Variants in GAN observed in about 807,000 individuals in gnomAD.
The protein encoded by GAN is gigaxonin, also known as epididymis secretory sperm binding protein.
A neutral mutation model predicts 71.3 loss-of-function variants in GAN; 48 were observed. That is an observed-to-expected ratio of 0.67 (90% CI 0.53 to 0.86). The LOEUF is 0.86. Ranked by LOEUF, GAN falls within the 40% of genes least tolerant of loss-of-function variation. The pLI is 0.00. For missense variants in GAN, 928 were observed against 770.1 expected, an observed-to-expected ratio of 1.21 and a Z score of -2.43; for synonymous variants, 386 against 276.8, an observed-to-expected ratio of 1.39 and a Z score of -3.92.
At chr16:81,351,864 CT>C (rs1434534564) in intron 2 of GAN, among the ~76,000 whole-genome samples, 167 bp downstream of exon 2, 1 of 152,166 alleles carries the variant, frequency 6.6e-6, no homozygotes, top group Non-Finnish European at 1.5e-5. Flanking sequence ...CATGTGTGTT[CT>C]TCCATGGCTG....
chr16:81,357,374 G>T (rs1195397219), intron 4 of GAN, among the ~76,000 whole-genome samples: 1 of 152,184 alleles, frequency 6.6e-6, no homozygotes, highest in East Asian at 1.9e-4. Context: ...TTTTGTTCTT[G>T]CGATAGTTTA....
Position 81,387,143 on chromosome 16 carries a change from G to A in GAN, c.*9547G>A, listed in dbSNP as rs536475510. 6.6e-6 allele frequency: 1 copy of A among 152,216 alleles called. No individual in the cohort carries two copies. Among genetic ancestry groups the A allele is most frequent in the South Asian group, 2.1e-4 (1 of 4,814 alleles). The allele number at this position is 152,216 out of a possible 1,614,324, so 9.4% of individuals were successfully genotyped here. On this transcript the variant is annotated 3_prime_UTR_variant, in exon 11 of 11. Transcript: ENST00000648994. ...ATATAGAAGGCAAAGAAGAGTGCTG[G>A]GCAAGATGTGTTGGGTGTTAGATCT...
intron 1 of GAN, among the ~76,000 whole-genome samples, chr16:81,340,198 C>T (rs1355395813): frequency 2.6e-5 from 4 of 152,160 alleles, no homozygotes; most frequent in Admixed American, 2.6e-4. Flanking sequence ...CTCAGCCTTA[C>T]AAAGTGCCCG....
intron 1 of GAN, among the ~76,000 whole-genome samples, chr16:81,326,649 ACAGAGTGT>A (rs1421267493): frequency 6.6e-6 from 1 of 152,244 alleles, no homozygotes; most frequent in Admixed American, 6.5e-5. Flanking sequence ...TTCGAATATC[ACAGAGTGT>A]ACAAACCTAG....
intron 4 of GAN, among the ~76,000 whole-genome samples, chr16:81,357,307 C>G (rs1910523059): frequency 6.6e-6 from 1 of 152,116 alleles, no homozygotes; most frequent in Non-Finnish European, 1.5e-5. Flanking sequence ...CTTCCTGTGT[C>G]CATGTGTTCT....
chr16:81,319,218 A>ATATC (rs947639039), intron 1 of GAN, among the ~76,000 whole-genome samples: 3 of 148,012 alleles, frequency 2.0e-5, no homozygotes, highest in Non-Finnish European at 3.0e-5. Context: ...ATATATATAT[A>ATATC]TATATATCTA....
At chr16:81,331,346 G>A (rs553460462) in intron 1 of GAN, among the ~76,000 whole-genome samples, 53 of 152,344 alleles carry the variant, frequency 3.5e-4, no homozygotes, top group African/African-American at 1.3e-3. Context: ...TGCAGGATGG[G>A]ACTAGATTGG....
At chr16:81,323,761 G>A (rs183113842) in intron 1 of GAN, among the ~76,000 whole-genome samples, 1 of 152,186 alleles carries the variant, frequency 6.6e-6, no homozygotes, top group South Asian at 2.1e-4. Flanking sequence ...CAAGGCCACT[G>A]TCCTCCTGGA....
chr16:81,365,451 C>G lies in GAN; in HGVS notation c.1475C>G (p.Ser492Cys). Reference sequence around the variant, plus strand: ...GGTAGCGAGATGGTAACTTGCAAGTCCGAGTTCTACCATGATGAGTTTAAA... The same window carrying G: ...GGTAGCGAGATGGTAACTTGCAAGTGCGAGTTCTACCATGATGAGTTTAAA... ...AQGSEMVTCK[S>C]EFYHDEFKRW... The change falls in exon 9 of 11, where the codon TCC becomes TGC. Residue 492 changes from serine to cysteine, a missense_variant. Physicochemically the swap from Ser to Cys is moderately radical, Grantham distance 112. Transcript: ENST00000648994. 1 of 1,613,474 alleles carries G rather than the reference C, an allele frequency of 6.2e-7. No individual in the cohort carries two copies. The highest frequency in any genetic ancestry group is 8.5e-7 in the Non-Finnish European group (1 of 1,179,896).
intron 9 of GAN, among the ~76,000 whole-genome samples, chr16:81,376,707 TACAC>T (rs111299239): frequency 4.3e-4 from 64 of 149,662 alleles, no homozygotes; most frequent in East Asian, 1.9e-3. Context: ...TGCACACGCA[TACAC>T]ACACACACAC....
chr16:81,387,016 G>C lies in GAN; in HGVS notation c.*9420G>C, dbSNP rs11640238. The C allele has an allele frequency of 0.11, 16,050 of 152,266 alleles. 1,001 individuals are homozygous for C. Among genetic ancestry groups the C allele is most frequent in the African/African-American group, 0.18 (7,333 of 41,530 alleles). The allele number at this position is 152,266 out of a possible 1,614,324, so 9.4% of individuals were successfully genotyped here. A position where few individuals can be genotyped will look rare whatever the true frequency, so the allele number is the denominator to read the frequency against. On this transcript the variant is annotated 3_prime_UTR_variant, in exon 11 of 11. Coordinates refer to ENST00000648994, the MANE Select transcript of GAN (RefSeq NM_022041.4). The stretch of plus-strand genomic sequence containing the variant: ...ACCGAGAAGTCGGCTGAATAGCCAG[G>C]TTCAGACAGTGTTGGCAAGAACGGA...
intron 1 of GAN, among the ~76,000 whole-genome samples, chr16:81,325,247 A>G (rs1285679961): frequency 6.6e-6 from 1 of 152,270 alleles, no homozygotes; most frequent in Admixed American, 6.5e-5. Context: ...TTTTAATTTT[A>G]CAGATACTTC....
chr16:81,319,261 A>G (rs901247846), intron 1 of GAN, among the ~76,000 whole-genome samples: 4 of 150,888 alleles, frequency 2.7e-5, no homozygotes, highest in African/African-American at 9.8e-5. Flanking sequence ...AACCGAATTC[A>G]TAGTCATAAG....
At chr16:81,377,175 A>G in intron 9 of GAN, 44 bp from the exon 10 acceptor site, 1 of 1,129,630 alleles carries the variant, frequency 8.9e-7, no homozygotes, top group East Asian at 2.3e-5. Context: ...TGTTGTTGTC[A>G]TCCTTTTGAT....
At chr16:81,335,683 G>T (rs1442055543) in intron 1 of GAN, among the ~76,000 whole-genome samples, 1 of 143,666 alleles carries the variant, frequency 7.0e-6, no homozygotes, top group African/African-American at 2.6e-5. Context: ...GGAGGCGGAG[G>T]TTGCAGTGAG....
intron 1 of GAN, among the ~76,000 whole-genome samples, chr16:81,329,830 C>T (rs1036692250): frequency 6.6e-6 from 1 of 152,138 alleles, no homozygotes; most frequent in Non-Finnish European, 1.5e-5. Context: ...CTCATCTACC[C>T]CAGAGAAGCT....
Position 81,351,710 on chromosome 16 carries a change from A to G in GAN, c.282+13A>G. 8.2e-7 allele frequency: 1 copy of G among 1,219,860 alleles called. No individual in the cohort carries two copies. Among genetic ancestry groups the G allele is most frequent in the Admixed American group, 1.7e-5 (1 of 59,576 alleles). 75.6% of individuals were successfully genotyped at this position (1,219,860 alleles called of 1,614,324 possible). ...CTTCAGTGGGCAGGTATGATGAGAA[A>G]CAAAGGAAGGAAGACCTAAGTAGAG... On this transcript the variant is annotated intron_variant, in intron 2 of 10. Transcript: ENST00000648994.
At chr16:81,332,309 T>TGCAGCAGGCAGTTTCA (rs1909608896) in intron 1 of GAN, among the ~76,000 whole-genome samples, 1 of 152,188 alleles carries the variant, frequency 6.6e-6, no homozygotes. Flanking sequence ...GCTGTGGGGT[T>TGCAGCAGGCAGTTTCA]GCAGCAGGCA....
Position 81,387,598 on chromosome 16 carries a change from T to A in GAN, c.*10002T>A, listed in dbSNP as rs1373040801. 1 of 152,586 alleles carries A rather than the reference T, an allele frequency of 6.6e-6. No homozygotes were observed. The highest frequency in any genetic ancestry group is 2.1e-4 in the South Asian group (1 of 4,824). 9.5% of individuals were successfully genotyped at this position (152,586 alleles called of 1,614,324 possible). On this transcript the variant is annotated 3_prime_UTR_variant, in exon 11 of 11. Transcript: ENST00000648994. Reference sequence around the variant, plus strand: ...TGGGAGGCAAAGGCAGGTGGATCACTTGAGGTCAGGAGTTCAAGACTAGCC... The same window carrying A: ...TGGGAGGCAAAGGCAGGTGGATCACATGAGGTCAGGAGTTCAAGACTAGCC...
Sources: gnomAD v4.1 joint callset for allele counts (sites outside exome capture counted in the v4.1 genomes callset) on GRCh38, gnomAD v4.1.1 for gene constraint, MANE v1.5 for transcripts, NCBI Gene and HGNC (gene_info 2026-07-23, HGNC 2026-07-21) for gene names.